CACNG4: variants seen among roughly 807,000 people sequenced by gnomAD.
CACNG4 encodes calcium voltage-gated channel auxiliary subunit gamma 4.
Under a neutral mutation model 22.9 loss-of-function variants are expected in CACNG4, and 8 were observed. The ratio of observed to expected loss-of-function variants is 0.35; its 90% CI spans 0.21 to 0.63. The LOEUF is 0.63. Ranked by LOEUF, CACNG4 falls within the 30% of genes least tolerant of loss-of-function variation. The pLI is 0.72. For missense variants in CACNG4, 357 were observed against 455.4 expected (o/e 0.78, Z 1.97); for synonymous variants, 188 against 191.9 (o/e 0.98, Z 0.17).
intron 1 of CACNG4, among the ~76,000 whole-genome samples, chr17:66,996,089 C>T (rs1258626124): frequency 1.3e-5 from 2 of 152,068 alleles, no homozygotes; most frequent in Admixed American, 6.5e-5. Context: ...CCAGGAGCGA[C>T]TGGTTGACTT....
intron 1 of CACNG4, among the ~76,000 whole-genome samples, chr17:67,002,839 A>G (rs1241134284): frequency 6.6e-6 from 1 of 152,192 alleles, no homozygotes; most frequent in Non-Finnish European, 1.5e-5. Context: ...TTTGAAGCTT[A>G]ATGAGTAAAT....
Position 66,980,620 on chromosome 17 carries a change from CTTTTTTT to C in CACNG4, c.220+15503_220+15509del, listed in dbSNP as rs67051865. On this transcript the variant is annotated intron_variant, in intron 1 of 3. Coordinates refer to ENST00000262138, the MANE Select transcript of CACNG4 (RefSeq NM_014405.4). ...ATTGACAATTCCCTTTGTGTAAATT[CTTTTTTT>C]TTTTTTTTTTTTTGAGACTGAGTTT... Among the ~76,000 whole-genome samples the C allele has an allele frequency of 1.7e-3, 179 of 107,000 alleles. 2 individuals are homozygous for C. Among genetic ancestry groups the C allele is most frequent in the Admixed American group, 4.8e-3 (48 of 9,970 alleles). The allele number at this position is 107,000 out of a possible 152,430, so 70.2% of individuals were successfully genotyped here.
At chr17:66,989,879 G>A (rs1422894932) in intron 1 of CACNG4, among the ~76,000 whole-genome samples, 3 of 145,862 alleles carry the variant, frequency 2.1e-5, no homozygotes, top group Admixed American at 6.8e-5. Flanking sequence ...TTTTGTCGAA[G>A]CAACATGAAA....
At chr17:67,023,092 T>C (rs1331780533) in intron 2 of CACNG4, among the ~76,000 whole-genome samples, 1 of 152,068 alleles carries the variant, frequency 6.6e-6, no homozygotes, top group Non-Finnish European at 1.5e-5. Flanking sequence ...TGGTTGGCAC[T>C]CCTTGGCCCA....
At chr17:67,000,052 A>G (rs2035398971) in intron 1 of CACNG4, among the ~76,000 whole-genome samples, 1 of 152,090 alleles carries the variant, frequency 6.6e-6, no homozygotes, top group African/African-American at 2.4e-5. Flanking sequence ...TTGCCCTCCT[A>G]ATCAGGTGAT....
rs58727233 is a variant in CACNG4, at chr17:67,002,618, TTCTCTCTCTCTC to T, written c.221-15554_221-15543del. Among the ~76,000 whole-genome samples the T allele has an allele frequency of 6.3e-3, 919 of 145,526 alleles. 16 individuals are homozygous for T. Among genetic ancestry groups the T allele is most frequent in the Middle Eastern group, 0.014 (4 of 280 alleles). On this transcript the variant is annotated intron_variant, in intron 1 of 3. Coordinates refer to ENST00000262138, the MANE Select transcript of CACNG4 (RefSeq NM_014405.4). ...CTCTCTCCACCTCTCATCTCTCTCT[TTCTCTCTCTCTC>T]TCTCTCTCTCTCTCTCCATCCTCAA...
intron 2 of CACNG4, chr17:67,021,686 C>T (rs1366987350): frequency 6.6e-6 from 1 of 152,366 alleles, no homozygotes; most frequent in African/African-American, 2.4e-5. Flanking sequence ...GCCTGGTGCC[C>T]CTCTCCAAGT....
intron 1 of CACNG4, among the ~76,000 whole-genome samples, chr17:67,014,420 A>G (rs1188015318): frequency 6.6e-6 from 1 of 152,124 alleles, no homozygotes; most frequent in Non-Finnish European, 1.5e-5. Flanking sequence ...AGGTGAGGCA[A>G]CTTTTGTGAA....
intron 1 of CACNG4, among the ~76,000 whole-genome samples, chr17:66,987,620 G>A (rs1224186427): frequency 6.6e-6 from 1 of 152,162 alleles, no homozygotes; most frequent in African/African-American, 2.4e-5. Flanking sequence ...TGAGAGAGTG[G>A]TTTTACCGGA....
intron 3 of CACNG4, among the ~76,000 whole-genome samples, chr17:67,028,775 G>C (rs957821056): frequency 6.6e-6 from 1 of 152,152 alleles, no homozygotes; most frequent in African/African-American, 2.4e-5. Context: ...ACTGGTATTT[G>C]GTAGAACCAG....
intron 1 of CACNG4, among the ~76,000 whole-genome samples, chr17:66,993,804 C>A (rs2035356678): frequency 6.6e-6 from 1 of 152,028 alleles, no homozygotes; most frequent in Non-Finnish European, 1.5e-5. Context: ...CGGCGTTTCA[C>A]CAGACGGCGT....
intron 1 of CACNG4, among the ~76,000 whole-genome samples, chr17:67,015,548 G>C (rs1191023318): frequency 1.3e-5 from 2 of 152,166 alleles, no homozygotes; most frequent in African/African-American, 4.8e-5. Context: ...AGGTGTTCCA[G>C]TATTATTTCT....
intron 1 of CACNG4, among the ~76,000 whole-genome samples, chr17:66,991,738 A>T (rs1056937954): frequency 4.6e-5 from 7 of 152,102 alleles, no homozygotes; most frequent in African/African-American, 1.7e-4. Flanking sequence ...TGATTCTCTG[A>T]TATGTGACCC....
chr17:67,012,321 T>A (rs1042057091), intron 1 of CACNG4, among the ~76,000 whole-genome samples: 1 of 152,196 alleles, frequency 6.6e-6, no homozygotes, highest in Admixed American at 6.5e-5. Flanking sequence ...TCTTTCTCCA[T>A]CTTCAAAGGA....
At position 67,031,867 on chromosome 17, in the gene CACNG4, G is replaced by T. The variant is rs938863226; in HGVS notation, c.*863G>T. 6.6e-6 allele frequency: 3 copies of T among 456,514 alleles called. No homozygotes were observed. The highest frequency in any genetic ancestry group is 2.3e-5 in the Admixed American group (1 of 42,560). 28.3% of individuals were successfully genotyped at this position (456,514 alleles called of 1,614,324 possible). On this transcript the variant is annotated 3_prime_UTR_variant, in exon 4 of 4. Coordinates refer to ENST00000262138, the MANE Select transcript of CACNG4 (RefSeq NM_014405.4). The surrounding 1 kb of genome is among the most constrained non-coding windows in gnomAD (Gnocchi z 4.0). ...CAAGGAGCAACTCTGTCCCCTGAGC[G>T]TTGGGGGTCCCGGGGGAGAGGTGGA...
At chr17:67,023,538 G>A (rs2035544795) in intron 2 of CACNG4, among the ~76,000 whole-genome samples, 1 of 148,512 alleles carries the variant, frequency 6.7e-6, no homozygotes, top group Admixed American at 6.8e-5. Context: ...GCCTCCCAAA[G>A]TGCTGGGATT....
chr17:67,026,472 CTGTGGG>C, intron 3 of CACNG4, among the ~76,000 whole-genome samples: 1 of 118,052 alleles, frequency 8.5e-6, no homozygotes, highest in African/African-American at 4.1e-5. Flanking sequence ...TATTTGAGGA[CTGTGGG>C]GTGTGTCTGT....
chr17:67,019,127 G>A (rs2035517435), intron 2 of CACNG4, among the ~76,000 whole-genome samples: 1 of 151,210 alleles, frequency 6.6e-6, no homozygotes, highest in African/African-American at 2.5e-5. Flanking sequence ...CTCAGACCCA[G>A]CCTTGTTGAT....
intron 3 of CACNG4, among the ~76,000 whole-genome samples, chr17:67,029,090 T>C (rs1365178646): frequency 6.6e-6 from 1 of 152,146 alleles, no homozygotes; most frequent in African/African-American, 2.4e-5. Context: ...CCCAGCACTT[T>C]GGGAGGCTGA....
Sources: allele counts gnomAD v4.1 joint callset (sites outside exome capture counted in the v4.1 genomes callset), GRCh38; gene constraint gnomAD v4.1.1; non-coding constraint Gnocchi (gnomAD v3.1); transcripts MANE v1.5; gene names NCBI Gene and HGNC (gene_info 2026-07-23, HGNC 2026-07-21).